The following CAMK4 variants were observed in gnomAD, a reference collection of about 807,000 sequenced individuals.
CAMK4 encodes calcium/calmodulin dependent protein kinase IV, also known as calcium/calmodulin-dependent protein kinase type IV.
CAMK4 carries 22 observed loss-of-function variants against 44.9 expected under a neutral mutation model. The ratio of observed to expected loss-of-function variants is 0.49; its 90% confidence interval spans 0.35 to 0.70. The LOEUF is 0.70. Ranked by LOEUF, CAMK4 falls within the 30% of genes least tolerant of loss-of-function variation. The pLI is 0.01. For missense variants in CAMK4, 498 were observed against 586.8 expected (o/e 0.85, Z 1.56); for synonymous variants, 218 against 215.4 (o/e 1.01, Z -0.11).
Position 111,436,970 on chromosome 5 carries a change from T to C in CAMK4, c.460-9716T>C, listed in dbSNP as rs1753668139. Among the ~76,000 whole-genome samples, 4 of 152,198 alleles carry C rather than the reference T, an allele frequency of 2.6e-5. No homozygotes were observed. In the South Asian group the frequency reaches 8.3e-4, roughly 32 times the overall value. ...ATGCTACTATAGAACAAAAATGAAT[T>C]AGGTAATGGTTTAAAATGTCATTTG... On this transcript the variant is annotated intron_variant, in intron 5 of 10. Coordinates refer to ENST00000282356, the MANE Select transcript of CAMK4 (RefSeq NM_001744.6).
chr5:111,373,929 T>C (rs1751110627), intron 2 of CAMK4, among the ~76,000 whole-genome samples: 1 of 152,184 alleles, frequency 6.6e-6, no homozygotes, highest in Admixed American at 6.6e-5. Flanking sequence ...GCCAACTCAT[T>C]GTGATTAAAG....
At chr5:111,379,408 A>G (rs531653470) in intron 4 of CAMK4, among the ~76,000 whole-genome samples, 1 of 152,304 alleles carries the variant, frequency 6.6e-6, no homozygotes, top group Admixed American at 6.5e-5. Flanking sequence ...TATTTAACAG[A>G]AAACCTCTGA....
At chr5:111,320,378 C>T (rs991974942) in intron 1 of CAMK4, among the ~76,000 whole-genome samples, 2 of 151,984 alleles carry the variant, frequency 1.3e-5, no homozygotes, top group Non-Finnish European at 2.9e-5. Flanking sequence ...AGACCTGGAG[C>T]CTATTTAAGA....
At chr5:111,417,865 C>A (rs1752870355) in intron 5 of CAMK4, among the ~76,000 whole-genome samples, 1 of 152,126 alleles carries the variant, frequency 6.6e-6, no homozygotes, top group African/African-American at 2.4e-5. Context: ...ATATCTTTTA[C>A]CCTGGTGATA....
At chr5:111,392,914 T>A (rs775686178) in intron 4 of CAMK4, among the ~76,000 whole-genome samples, 2 of 152,126 alleles carry the variant, frequency 1.3e-5, no homozygotes, top group African/African-American at 2.4e-5. Context: ...CATAGCCTAT[T>A]ACTGACCCAG....
chr5:111,325,566 C>G (rs1218659662), intron 1 of CAMK4, among the ~76,000 whole-genome samples: 2 of 152,000 alleles, frequency 1.3e-5, no homozygotes, highest in African/African-American at 2.4e-5. Context: ...TTAATAATCA[C>G]CATTCTAACT....
At chr5:111,248,825 T>G (rs1165775942) in intron 1 of CAMK4, among the ~76,000 whole-genome samples, 1 of 152,130 alleles carries the variant, frequency 6.6e-6, no homozygotes, top group Admixed American at 6.6e-5. Context: ...TGACCAGTAA[T>G]CAAATCATGT....
chr5:111,348,549 G>C (rs976100819), intron 2 of CAMK4, among the ~76,000 whole-genome samples: 9 of 151,768 alleles, frequency 5.9e-5, no homozygotes, highest in Non-Finnish European at 1.3e-4. Context: ...AATATATAGA[G>C]ACCTATATTT....
chr5:111,237,604 A>G (rs1748787312), intron 1 of CAMK4, among the ~76,000 whole-genome samples: 1 of 152,240 alleles, frequency 6.6e-6, no homozygotes, highest in African/African-American at 2.4e-5. Context: ...CACTAGTTGT[A>G]GATATCTAGG....
chr5:111,333,453 C>A (rs867433368), intron 1 of CAMK4, among the ~76,000 whole-genome samples: 5 of 151,536 alleles, frequency 3.3e-5, no homozygotes, highest in African/African-American at 1.2e-4. Flanking sequence ...CCCTTTATTC[C>A]ATAGTTTTAT....
intron 7 of CAMK4, among the ~76,000 whole-genome samples, chr5:111,463,936 C>G (rs1754730482): frequency 6.6e-6 from 1 of 151,974 alleles, no homozygotes; most frequent in African/African-American, 2.4e-5. Flanking sequence ...AAAAAAGGTT[C>G]TTTCACACTC....
In CAMK4 at chr5:111,474,045, A is replaced by C. The variant is rs138270132; in HGVS notation, c.701+659A>C. On this transcript the variant is annotated intron_variant, in intron 8 of 10. Transcript: ENST00000282356. ...GGAACTGCAGGTGGTGATGAAAAAA[A>C]TCAACCAAATAGAAGAGCGTCTGAG... Among the ~76,000 whole-genome samples the C allele has an allele frequency of 4.7e-3, 719 of 152,342 alleles. 3 individuals are homozygous for C. The highest frequency in any genetic ancestry group is 0.014 in the Middle Eastern group (4 of 294).
chr5:111,461,993 A>G (rs1417832158), intron 7 of CAMK4, among the ~76,000 whole-genome samples: 1 of 152,064 alleles, frequency 6.6e-6, no homozygotes, highest in African/African-American at 2.4e-5. Flanking sequence ...GACCTACTGG[A>G]TCTTCAGTCT....
chr5:111,412,329 C>T lies in CAMK4; in HGVS notation c.459+17547C>T, dbSNP rs75413528. ...TAGTCAAGGATATAATAAGAAACCA[C>T]TTTTTCATGCAAAAATAAAAGACTC... On this transcript the variant is annotated intron_variant, in intron 5 of 10. Transcript: ENST00000282356. 8.0e-3 allele frequency among the ~76,000 whole-genome samples: 1,218 copies of T among 152,256 alleles called. 14 individuals carry two copies. The highest frequency in any genetic ancestry group is 0.026 in the African/African-American group (1,070 of 41,562).
chr5:111,293,837 C>T (rs190993308), intron 1 of CAMK4, among the ~76,000 whole-genome samples: 1,792 of 150,130 alleles, frequency 0.012, 36 homozygotes, highest in African/African-American at 0.041. Context: ...AGCTCCGCCT[C>T]CCGGGTTCAT....
chr5:111,342,101 G>T (rs1580620591), intron 1 of CAMK4, among the ~76,000 whole-genome samples: 1 of 151,362 alleles, frequency 6.6e-6, no homozygotes, highest in East Asian at 1.9e-4. Flanking sequence ...TGTTTTGGTG[G>T]AGAGTTTTTT....
intron 10 of CAMK4, among the ~76,000 whole-genome samples, chr5:111,483,716 C>T (rs79145605): frequency 0.036 from 5,443 of 152,116 alleles, 135 homozygotes; most frequent in Middle Eastern, 0.078. Flanking sequence ...ACTAGTGTTC[C>T]GTAAAACAAA....
rs58947155 is a variant in CAMK4 at position 111,309,165 on chromosome 5, A to C, written c.162-34859A>C. Among the ~76,000 whole-genome samples, 1,485 of 152,336 alleles carry C rather than the reference A, an allele frequency of 9.7e-3. 32 individuals are homozygous for C. Among genetic ancestry groups the C allele is most frequent in the African/African-American group, 0.034 (1,406 of 41,562 alleles). ...TGACGGTCCAGGGCACCCTGAGGGC[A>C]CATCGCTTAACAATTGTTGTGCTTT... On this transcript the variant is annotated intron_variant, in intron 1 of 10. Coordinates refer to ENST00000282356, the MANE Select transcript of CAMK4 (RefSeq NM_001744.6).
At chr5:111,442,127 G>C (rs181879739) in intron 5 of CAMK4, among the ~76,000 whole-genome samples, 398 of 152,228 alleles carry the variant, frequency 2.6e-3, no homozygotes, top group African/African-American at 9.0e-3. Context: ...GTCTAGTCTA[G>C]GCTAGGCATC....
Sources: allele counts gnomAD v4.1 joint callset (sites outside exome capture counted in the v4.1 genomes callset), GRCh38; gene constraint gnomAD v4.1.1; transcripts MANE v1.5; gene names NCBI Gene and HGNC (gene_info 2026-07-23, HGNC 2026-07-21).